Variants in KIF26B observed in about 807,000 individuals in gnomAD.
KIF26B encodes the protein kinesin family member 26B, also known as kinesin-like protein KIF26B.
In KIF26B, 63 loss-of-function variants were observed where a neutral mutation model predicts 151.2. The ratio of observed to expected loss-of-function variants is 0.42; its 90% CI spans 0.34 to 0.51. The LOEUF (loss-of-function observed/expected upper bound fraction) is 0.51. KIF26B is among the 20% of genes least tolerant of loss of function. The pLI is 0.07. For missense variants in KIF26B, 2,813 were observed against 2,913.6 expected (o/e 0.97, Z 0.79); for synonymous variants, 1,357 against 1,262.1 (o/e 1.08, Z -1.59).
intron 3 of KIF26B, among the ~76,000 whole-genome samples, chr1:245,374,358 G>T: frequency 6.6e-6 from 1 of 151,602 alleles, no homozygotes; most frequent in African/African-American, 2.4e-5. Flanking sequence ...TTGTGGCTTC[G>T]TGGAAAGCAG....
chr1:245,688,700 A>C lies in KIF26B; in HGVS notation c.5717A>C (p.Glu1906Ala). 6.2e-7 allele frequency: 1 copy of C among 1,607,324 alleles called. No individual in the cohort carries two copies. The highest frequency in any genetic ancestry group is 8.5e-7 in the Non-Finnish European group (1 of 1,177,820). ...TACGAGAGCGTGATGCGGGACAGCG[A>C]GGCCACCGGCAGCGCGTCCTCGGCG... ...SGYESVMRDS[E>A]ATGSASSAQD... Residue 1906 changes from glutamate (E) to alanine (A), a missense_variant, in exon 12 of 15, where the codon GAG (glutamate) becomes GCG (alanine). Glu to Ala is a moderately radical substitution (Grantham distance 107). Coordinates refer to ENST00000407071, the MANE Select transcript of KIF26B (RefSeq NM_018012.4).
chr1:245,374,699 T>C (rs1673230955), intron 3 of KIF26B, among the ~76,000 whole-genome samples: 1 of 152,168 alleles, frequency 6.6e-6, no homozygotes, highest in Non-Finnish European at 1.5e-5. Flanking sequence ...TTTTCTCCTG[T>C]TTATAGGCGG....
Position 245,166,186 on chromosome 1 carries a change from C to T in KIF26B, c.465+9503C>T, listed in dbSNP as rs1314276150. On this transcript the variant is annotated intron_variant, in intron 2 of 14. Transcript: ENST00000407071. The surrounding 1 kb of genome is among the most constrained non-coding windows in gnomAD (Gnocchi z 4.5). ...AAATTGTGAGATGCTAGTCAACCAT[C>T]GCTTTCTGTTATTATTCCAGTGACT... Among the ~76,000 whole-genome samples, 3 of 152,118 alleles carry T rather than the reference C, an allele frequency of 2.0e-5. No individual in the cohort carries two copies. The East Asian group carries it at 5.8e-4, about 29-fold the overall frequency.
chr1:245,349,864 G>C (rs1394625388), intron 2 of KIF26B, among the ~76,000 whole-genome samples: 1 of 152,070 alleles, frequency 6.6e-6, no homozygotes, highest in African/African-American at 2.4e-5. Flanking sequence ...CAAGTATAAT[G>C]AACACAATTC....
At chr1:245,200,474 A>G (rs763300921) in intron 2 of KIF26B, among the ~76,000 whole-genome samples, 4 of 152,244 alleles carry the variant, frequency 2.6e-5, no homozygotes, top group Admixed American at 6.5e-5. Context: ...GTCTGGCACA[A>G]TCTCCATCCC....
chr1:245,455,845 G>A (rs1466773709), intron 4 of KIF26B, among the ~76,000 whole-genome samples: 1 of 152,182 alleles, frequency 6.6e-6, no homozygotes, highest in African/African-American at 2.4e-5. Flanking sequence ...GCCCAGTGGA[G>A]GACATTCAGC....
In KIF26B at chr1:245,698,169, C is replaced by A. The variant is rs750971443; in HGVS notation, c.5888C>A (p.Pro1963His). 2 of 1,614,032 alleles carry A rather than the reference C, an allele frequency of 1.2e-6. No homozygotes were observed. Among genetic ancestry groups the A allele is most frequent in the East Asian group, 4.5e-5 (2 of 44,888 alleles). Residue 1963 changes from proline to histidine, a missense_variant, in exon 13 of 15, where the codon CCC (proline) becomes CAC (histidine). By Grantham distance (77) the Pro-to-His change is moderately conservative. Coordinates refer to ENST00000407071, the MANE Select transcript of KIF26B (RefSeq NM_018012.4). The surrounding 1 kb of genome is among the most constrained non-coding windows in gnomAD (Gnocchi z 4.0). ...GACACCTCTTCCCCTGTGAGAAAACCCCCCAACAGCACAGGCGTCCGCTGG... is the reference window on the plus strand; with the variant it reads ...GACACCTCTTCCCCTGTGAGAAAACACCCCAACAGCACAGGCGTCCGCTGG... The part of the protein sequence containing the change: ...SLDTSSPVRK[P>H]PNSTGVRWVD...
At chr1:245,323,406 T>C (rs1049039031) in intron 2 of KIF26B, among the ~76,000 whole-genome samples, 6 of 152,230 alleles carry the variant, frequency 3.9e-5, no homozygotes, top group African/African-American at 1.2e-4. Flanking sequence ...AATAACTTCA[T>C]TGTAGACAAA....
intron 2 of KIF26B, among the ~76,000 whole-genome samples, chr1:245,211,066 C>A (rs1208447740): frequency 1.3e-5 from 2 of 152,164 alleles, no homozygotes; most frequent in Non-Finnish European, 2.9e-5. Context: ...CTTGTGTCTT[C>A]TTGTGATGTT....
At chr1:245,195,385 G>A (rs890167126) in intron 2 of KIF26B, among the ~76,000 whole-genome samples, 5 of 152,178 alleles carry the variant, frequency 3.3e-5, no homozygotes, top group Non-Finnish European at 5.9e-5. Context: ...ATTTAAATAG[G>A]AGGCGTGTCG....
intron 5 of KIF26B, among the ~76,000 whole-genome samples, chr1:245,545,468 G>A (rs574206313): frequency 6.6e-6 from 1 of 152,280 alleles, no homozygotes; most frequent in Non-Finnish European, 1.5e-5. Flanking sequence ...GCTTAGGTTT[G>A]AAATAATGGA....
chr1:245,693,811 C>T (rs1403591829), intron 12 of KIF26B, among the ~76,000 whole-genome samples: 1 of 152,204 alleles, frequency 6.6e-6, no homozygotes, highest in African/African-American at 2.4e-5. Context: ...ATTCAAGCAG[C>T]ACAGTGATCA....
At chr1:245,168,783 C>T (rs1054745335) in intron 2 of KIF26B, among the ~76,000 whole-genome samples, 1 of 152,130 alleles carries the variant, frequency 6.6e-6, no homozygotes, top group Non-Finnish European at 1.5e-5. Context: ...ATGCCCCTGA[C>T]GTGGGTTTAA....
intron 1 of KIF26B, 65 bp from the exon 2 acceptor site, chr1:245,156,217 C>A: frequency 6.6e-7 from 1 of 1,514,270 alleles, no homozygotes; most frequent in South Asian, 1.3e-5. Context: ...GCACGTATGA[C>A]CCAGCTCCTG....
At chr1:245,546,143 AGAG>A (rs1661734800) in intron 5 of KIF26B, among the ~76,000 whole-genome samples, 1 of 152,222 alleles carries the variant, frequency 6.6e-6, no homozygotes, top group African/African-American at 2.4e-5. Flanking sequence ...TCTTAGAGGA[AGAG>A]GAGAACAAGA....
intron 5 of KIF26B, among the ~76,000 whole-genome samples, chr1:245,544,096 T>C (rs1661685235): frequency 6.6e-6 from 1 of 152,164 alleles, no homozygotes; most frequent in South Asian, 2.1e-4. Flanking sequence ...AGGCCCATCC[T>C]CCCAGACTCC....
chr1:245,331,509 T>C (rs1023192023), intron 2 of KIF26B, among the ~76,000 whole-genome samples: 7 of 152,180 alleles, frequency 4.6e-5, no homozygotes, highest in African/African-American at 1.7e-4. Flanking sequence ...CACCCTGAAG[T>C]AAGGTGCTAC....
chr1:245,190,476 G>A (rs1049708302), intron 2 of KIF26B, among the ~76,000 whole-genome samples: 18 of 152,036 alleles, frequency 1.2e-4, no homozygotes, highest in Non-Finnish European at 2.1e-4. Context: ...CATCCCACAA[G>A]CAGTCACGGC....
At chr1:245,347,497 T>G (rs1342481114) in intron 2 of KIF26B, among the ~76,000 whole-genome samples, 1 of 152,072 alleles carries the variant, frequency 6.6e-6, no homozygotes, top group East Asian at 1.9e-4. Flanking sequence ...ATTTTTAAAT[T>G]TTTTTTGAGA....
Sources: allele counts gnomAD v4.1 joint callset (sites outside exome capture counted in the v4.1 genomes callset), GRCh38; gene constraint gnomAD v4.1.1; non-coding constraint Gnocchi (gnomAD v3.1); transcripts MANE v1.5; gene names NCBI Gene and HGNC (gene_info 2026-07-23, HGNC 2026-07-21).